Variants in JAK1 observed in about 807,000 individuals in gnomAD.
The protein encoded by JAK1 is Janus kinase 1.
JAK1 carries 16 observed loss-of-function variants against 136.6 expected under a neutral mutation model. The ratio of observed to expected loss-of-function variants is 0.12; its 90% CI spans 0.08 to 0.18. The LOEUF (loss-of-function observed/expected upper bound fraction) is 0.18, where lower values mean the gene tolerates loss of function less well. JAK1 is among the 10% of genes least tolerant of loss of function. The pLI is 1.00. For synonymous variants in JAK1, 492 were observed against 519.5 expected, an observed-to-expected ratio of 0.95 and a Z score of 0.72; for missense variants, 859 against 1,450.1, an observed-to-expected ratio of 0.59 and a Z score of 6.62.
At chr1:64,964,123 G>A (rs994371625) in intron 1 of JAK1, among the ~76,000 whole-genome samples, 5 of 152,184 alleles carry the variant, frequency 3.3e-5, no homozygotes, top group Admixed American at 2.0e-4. Flanking sequence ...CTTCTTCAGC[G>A]AGATTCCATT....
Position 64,987,210 on chromosome 1 carries a change from C to T in JAK1, c.-78+57270G>A, listed in dbSNP as rs142623049. The T allele has an allele frequency of 1.3e-4, 20 of 152,334 alleles. 1 individual carries two copies. In the East Asian group the frequency reaches 3.9e-3, roughly 29 times the overall value. The allele number at this position is 152,334 out of a possible 1,614,324, so 9.4% of individuals were successfully genotyped here. On this transcript the variant is annotated intron_variant, in intron 2 of 25. Coordinates refer to the JAK1 transcript ENST00000671954. The stretch of plus-strand genomic sequence containing the variant: ...TACTTTGCATGTACTTTTCTACTTT[C>T]CCTTATCACAATCCATTCTATTTTG...
chr1:64,995,507 C>T (rs751083848), intron 2 of JAK1, among the ~76,000 whole-genome samples: 33 of 152,068 alleles, frequency 2.2e-4, no homozygotes, highest in Non-Finnish European at 3.8e-4. Flanking sequence ...TGCCTGTGCA[C>T]GTTTTTTGTT....
At chr1:64,888,502 A>G (rs535078901) in intron 1 of JAK1, among the ~76,000 whole-genome samples, 33 of 152,322 alleles carry the variant, frequency 2.2e-4, no homozygotes, top group African/African-American at 7.2e-4. Context: ...GTTTTTTAAT[A>G]TGCACTATCA....
chr1:64,857,749 T>C lies in JAK1; in HGVS notation c.1365A>G (p.Gln455=). The C allele has an allele frequency of 6.2e-7, 1 of 1,614,178 alleles. No homozygotes were observed. Among genetic ancestry groups the C allele is most frequent in the African/African-American group, 1.3e-5 (1 of 75,040 alleles). Reference sequence around the variant, plus strand: ...CGTACATCCCCTCCTCGCTTCCTTCTTGCCGCAATTTATTGATGGCGTATT... The same window carrying C: ...CGTACATCCCCTCCTCGCTTCCTTCCTGCCGCAATTTATTGATGGCGTATT... The part of the protein sequence containing the change: ...CTEYAINKLR[Q]EGSEEGMYVL... The change falls in exon 10 of 25, where the codon CAA becomes CAG. Residue 455 remains glutamine (Q), a synonymous_variant. Coordinates refer to ENST00000342505, the MANE Select transcript of JAK1 (RefSeq NM_002227.4).
chr1:65,034,359 A>G (rs1647051219), intron 2 of JAK1, among the ~76,000 whole-genome samples: 1 of 152,228 alleles, frequency 6.6e-6, no homozygotes, highest in Non-Finnish European at 1.5e-5. Flanking sequence ...GTACAAAAGG[A>G]AGGATCAGGA....
At position 64,879,186 on chromosome 1, in the gene JAK1, C is replaced by T. The variant is rs372034084; in HGVS notation, c.206-38G>A. The T allele has an allele frequency of 8.7e-6, 14 of 1,611,080 alleles. No individual in the cohort carries two copies. In the East Asian group the frequency reaches 8.9e-5, roughly 10 times the overall value. On this transcript the variant is annotated intron_variant, in intron 3 of 24. Transcript: ENST00000342505. ...AAAAAAACACATCAGAAAATCAAGG[C>T]GGATACATTTGGCCATCTGTTTCTA... is the stretch of plus-strand genomic sequence containing the variant.
intron 2 of JAK1, among the ~76,000 whole-genome samples, chr1:64,983,057 G>A (rs1569816714): frequency 6.6e-6 from 1 of 152,102 alleles, no homozygotes; most frequent in African/African-American, 2.4e-5. Flanking sequence ...TACTGTTCAA[G>A]CATTTTACTT....
At chr1:65,037,970 C>T (rs1017821789) in intron 2 of JAK1, among the ~76,000 whole-genome samples, 48 of 152,254 alleles carry the variant, frequency 3.2e-4, no homozygotes, top group African/African-American at 1.1e-3. Context: ...GCCCAAGTTG[C>T]TCCTATGATT....
chr1:65,053,721 T>C (rs995374372), intron 1 of JAK1, among the ~76,000 whole-genome samples: 5 of 152,082 alleles, frequency 3.3e-5, no homozygotes, highest in African/African-American at 1.2e-4. Flanking sequence ...GGCATGGTGG[T>C]GCACACCCAT....
chr1:64,957,605 T>C (rs1437837800), intron 1 of JAK1, among the ~76,000 whole-genome samples: 1 of 151,132 alleles, frequency 6.6e-6, no homozygotes, highest in Non-Finnish European at 1.5e-5. Context: ...GGTCAGGAGA[T>C]CGAGACCATC....
chr1:65,047,239 C>A, intron 1 of JAK1, among the ~76,000 whole-genome samples: 1 of 152,034 alleles, frequency 6.6e-6, no homozygotes, highest in African/African-American at 2.4e-5. Flanking sequence ...CTACTGTTAC[C>A]ATGAATACTT....
chr1:64,928,348 T>C (rs1017356438), intron 1 of JAK1, among the ~76,000 whole-genome samples: 20 of 152,156 alleles, frequency 1.3e-4, no homozygotes, highest in African/African-American at 4.8e-4. Context: ...ATGAGAAAGA[T>C]TCCAGAACAA....
intron 1 of JAK1, among the ~76,000 whole-genome samples, chr1:65,051,463 G>A (rs1356035970): frequency 6.6e-6 from 1 of 151,966 alleles, no homozygotes; most frequent in East Asian, 1.9e-4. Flanking sequence ...TCAGTCTGAT[G>A]TCCACAGCAC....
At chr1:64,953,806 C>G (rs894452639) in intron 1 of JAK1, among the ~76,000 whole-genome samples, 1 of 152,024 alleles carries the variant, frequency 6.6e-6, no homozygotes, top group Non-Finnish European at 1.5e-5. Flanking sequence ...ATTACAGGTG[C>G]GTGCTGCCAC....
chr1:64,853,172 C>A (rs1028322854), intron 11 of JAK1, among the ~76,000 whole-genome samples: 1 of 152,204 alleles, frequency 6.6e-6, no homozygotes, highest in African/African-American at 2.4e-5. Context: ...CTAATTTTCA[C>A]GATTTCCCCA....
Position 64,846,453 on chromosome 1 carries a change from T to C in JAK1, c.1987+196A>G, listed in dbSNP as rs537964083. Among the ~76,000 whole-genome samples the C allele has an allele frequency of 2.6e-5, 4 of 152,196 alleles. No homozygotes were observed. In the East Asian group the frequency reaches 7.7e-4, roughly 29 times the overall value. ...GACAAGAAAACATTACACAAATGAA[T>C]GAAAAGCAATTGGTTTTAGTTCCAC... On this transcript the variant is annotated intron_variant, in intron 14 of 24. Transcript: ENST00000342505.
chr1:65,018,895 C>T (rs1646913816), intron 2 of JAK1, among the ~76,000 whole-genome samples: 1 of 152,086 alleles, frequency 6.6e-6, no homozygotes, highest in East Asian at 1.9e-4. Context: ...CCTGTAGTCC[C>T]AGCTACTCGG....
intron 1 of JAK1, among the ~76,000 whole-genome samples, chr1:64,887,663 A>G (rs564198452): frequency 6.6e-6 from 1 of 152,354 alleles, no homozygotes; most frequent in Admixed American, 6.5e-5. Context: ...ATGAAGGAAA[A>G]GTAGAGAACA....
At chr1:64,861,386 T>C (rs1462898322) in intron 8 of JAK1, among the ~76,000 whole-genome samples, 4 of 151,982 alleles carry the variant, frequency 2.6e-5, no homozygotes, top group African/African-American at 4.8e-5. Context: ...AGGGAGGGGA[T>C]TTCCATCAAG....
Sources: gnomAD v4.1 joint callset for allele counts (sites outside exome capture counted in the v4.1 genomes callset) on GRCh38, gnomAD v4.1.1 for gene constraint, MANE v1.5 for transcripts, NCBI Gene and HGNC (gene_info 2026-07-23, HGNC 2026-07-21) for gene names.